Variants in FOXQ1 observed in about 807,000 individuals in gnomAD.
The protein encoded by FOXQ1 is forkhead box protein Q1.
Under a neutral mutation model 0.6 loss-of-function variants are expected in FOXQ1, and 1 was observed. The observed-to-expected ratio is 1.73, with a 90% CI of 0.61 to 8.20. The LOEUF (loss-of-function observed/expected upper bound fraction) is 8.20, where lower values mean the gene tolerates loss of function less well. Among genes scored for constraint, FOXQ1 ranks in the 30% most tolerant of loss-of-function variants. The pLI, the probability that FOXQ1 is intolerant of heterozygous loss-of-function variation, is 0.13. For synonymous variants in FOXQ1, 377 were observed against 294.4 expected (o/e 1.28, Z -2.87); for missense variants, 734 against 595.6 (o/e 1.23, Z -2.42).
In FOXQ1 at chr6:1,312,703, G is replaced by A; in HGVS notation, c.-2G>A. The A allele has an allele frequency of 1.5e-6, 2 of 1,352,576 alleles. No individual in the cohort carries two copies. The highest frequency in any genetic ancestry group is 1.9e-6 in the Non-Finnish European group (2 of 1,054,956). The allele number at this position is 1,352,576 out of a possible 1,614,324, so 83.8% of individuals were successfully genotyped here. ...CGCCGGGGAGGGACTGGGTGCGCGG[G>A]CATGAAGTTGGAGGTGTTCGTCCCT... On this transcript the variant is annotated 5_prime_UTR_variant, in exon 1 of 1. Transcript: ENST00000296839.
chr6:1,312,431 C>G lies in FOXQ1; in HGVS notation c.-274C>G, dbSNP rs1030012917. 2.7e-6 allele frequency: 1 copy of G among 369,182 alleles called. No individual in the cohort carries two copies. 22.9% of individuals were successfully genotyped at this position (369,182 alleles called of 1,614,324 possible). ...GAACCGCGGCCCCTGCACACACTCA[C>G]CCCAAAGTCTCAACGTCGAACCGAA... On this transcript the variant is annotated 5_prime_UTR_variant, in exon 1 of 1. Coordinates refer to ENST00000296839, the MANE Select transcript of FOXQ1 (RefSeq NM_033260.4).
rs1757559913 is a variant in FOXQ1 at position 1,312,342 on chromosome 6, C to G, written c.-363C>G. The stretch of plus-strand genomic sequence containing the variant: ...TGGGCTCTTTAACGAGCAGCAGATG[C>G]GCATGCTGCTTCTCTCCGGCAGGAA... On this transcript the variant is annotated 5_prime_UTR_variant, in exon 1 of 1. Coordinates refer to ENST00000296839, the MANE Select transcript of FOXQ1 (RefSeq NM_033260.4). 5.0e-6 allele frequency: 1 copy of G among 198,554 alleles called. No homozygotes were observed. Among genetic ancestry groups the G allele is most frequent in the African/African-American group, 2.3e-5 (1 of 43,362 alleles). The allele number at this position is 198,554 out of a possible 1,614,324, so 12.3% of individuals were successfully genotyped here.
rs536512789 is a variant in FOXQ1, at chr6:1,314,618, G to A, written c.*702G>A. Reference sequence around the variant, plus strand: ...GTTGATTATGTATGTGGGGTGCCAGGACCACTGCCTTGAAAGCAAGTGTGA... The same window carrying A: ...GTTGATTATGTATGTGGGGTGCCAGAACCACTGCCTTGAAAGCAAGTGTGA... On this transcript the variant is annotated 3_prime_UTR_variant, in exon 1 of 1. Transcript: ENST00000296839. The A allele has an allele frequency of 2.9e-3, 489 of 166,974 alleles. 1 individual carries two copies. The highest frequency in any genetic ancestry group is 5.1e-3 in the Non-Finnish European group (348 of 68,114). The allele number at this position is 166,974 out of a possible 1,614,324, so 10.3% of individuals were successfully genotyped here.
At position 1,314,385 on chromosome 6, in the gene FOXQ1, G is replaced by A. The variant is rs1045368336; in HGVS notation, c.*469G>A. ...CATTTCCAGGTATGACTGAGTGTGAGAGACATGTCAGAGGCTCTTCAGTGA... is the reference window on the plus strand; with the variant it reads ...CATTTCCAGGTATGACTGAGTGTGAAAGACATGTCAGAGGCTCTTCAGTGA... On this transcript the variant is annotated 3_prime_UTR_variant, in exon 1 of 1. Transcript: ENST00000296839. The A allele has an allele frequency of 1.2e-5, 2 of 166,924 alleles. No homozygotes were observed. Among genetic ancestry groups the A allele is most frequent in the East Asian group, 1.9e-4 (1 of 5,206 alleles). 10.3% of individuals were successfully genotyped at this position (166,924 alleles called of 1,614,324 possible). A position where few individuals can be genotyped will look rare whatever the true frequency, so the allele number is the denominator to read the frequency against.
Position 1,313,271 on chromosome 6 carries a change from C to T in FOXQ1, c.567C>T (p.Gly189=), listed in dbSNP as rs368356668. 2.5e-6 allele frequency: 4 copies of T among 1,610,126 alleles called. No homozygotes were observed. Among genetic ancestry groups the T allele is most frequent in the Non-Finnish European group, 2.5e-6 (3 of 1,178,838 alleles). ...TGCGCGACCCCTCGCGGCCCTGGGGCAAGGACAACTACTGGATGCTCAACC... is the reference window on the plus strand; with the variant it reads ...TGCGCGACCCCTCGCGGCCCTGGGGTAAGGACAACTACTGGATGCTCAACC... ...KVLRDPSRPW[G]KDNYWMLNPN... Residue 189 remains glycine (G), a synonymous_variant, in exon 1 of 1, where the codon GGC becomes GGT. Coordinates refer to ENST00000296839, the MANE Select transcript of FOXQ1 (RefSeq NM_033260.4). This position sits in a 1 kb window ranked among gnomAD's most constrained non-coding sequence, Gnocchi z 5.2.
rs137862484 is a variant in FOXQ1 at position 1,313,091 on chromosome 6, C to T, written c.387C>T (p.Ala129=). Residue 129 remains alanine, a synonymous_variant, in exon 1 of 1, where the codon GCC becomes GCT. Coordinates refer to ENST00000296839, the MANE Select transcript of FOXQ1 (RefSeq NM_033260.4). This position sits in a 1 kb window ranked among gnomAD's most constrained non-coding sequence, Gnocchi z 5.2. ...KPPYSYIALI[A]MAIRDSAGGR... ...CCTACTCGTACATCGCGCTCATCGCCATGGCCATCCGCGACTCGGCGGGCG... is the reference window on the plus strand; with the variant it reads ...CCTACTCGTACATCGCGCTCATCGCTATGGCCATCCGCGACTCGGCGGGCG... The T allele has an allele frequency of 3.2e-4, 515 of 1,606,534 alleles. 1 individual carries two copies. The African/African-American group carries it at 6.3e-3, about 20-fold the overall frequency.
In FOXQ1 at chr6:1,313,155, GGC is replaced by G; in HGVS notation, c.452_453del (p.Gly151GlufsTer297). ...GGCGGAGATCAACGAGTACCTCATG[GGC>G]AAGTTCCCCTTTTTCCGCGGCAGCT... ...TLAEINEYLM[G>X]KFPFFRGSYT... On this transcript the variant is annotated frameshift_variant, in exon 1 of 1. Transcript: ENST00000296839. LOFTEE classifies it low-confidence loss of function (END_TRUNC). This position sits in a 1 kb window ranked among gnomAD's most constrained non-coding sequence, Gnocchi z 5.2. 6.2e-7 allele frequency: 1 copy of G among 1,610,554 alleles called. No homozygotes were observed. Among genetic ancestry groups the G allele is most frequent in the Non-Finnish European group, 8.5e-7 (1 of 1,178,958 alleles).
rs1757573204 is a variant in FOXQ1, at chr6:1,312,937, T to A, written c.233T>A (p.Ile78Asn). 1 of 1,276,320 alleles carries A rather than the reference T, an allele frequency of 7.8e-7. No individual in the cohort carries two copies. Among genetic ancestry groups the A allele is most frequent in the Non-Finnish European group, 9.9e-7 (1 of 1,014,530 alleles). 79.1% of individuals were successfully genotyped at this position (1,276,320 alleles called of 1,614,324 possible). Reference protein sequence around the residue: ...AGGGPGAEEAIPAAAAAAVVA... With the variant: ...AGGGPGAEEANPAAAAAAVVA... ...GGCGGGCCGGGCGCGGAGGAGGCGA[T>A]CCCGGCAGCAGCTGCTGCAGCGGTG... The change falls in exon 1 of 1, where the codon ATC becomes AAC. Residue 78 changes from isoleucine (I) to asparagine (N), a missense_variant. Physicochemically the swap from Ile to Asn is moderately radical, Grantham distance 149. Coordinates refer to ENST00000296839, the MANE Select transcript of FOXQ1 (RefSeq NM_033260.4).
Position 1,313,277 on chromosome 6 carries a change from C to G in FOXQ1, c.573C>G (p.Asp191Glu), listed in dbSNP as rs112141050. ...LRDPSRPWGK[D>E]NYWMLNPNSE... ...ACCCCTCGCGGCCCTGGGGCAAGGA[C>G]AACTACTGGATGCTCAACCCCAACA... Residue 191 changes from aspartate (D) to glutamate (E), a missense_variant, in exon 1 of 1, where the codon GAC (aspartate) becomes GAG (glutamate). By Grantham distance (45) the Asp-to-Glu change is conservative (BLOSUM62 2). Transcript: ENST00000296839. This position sits in a 1 kb window ranked among gnomAD's most constrained non-coding sequence, Gnocchi z 5.2. 2 of 1,610,032 alleles carry G rather than the reference C, an allele frequency of 1.2e-6. No individual in the cohort carries two copies. Among genetic ancestry groups the G allele is most frequent in the South Asian group, 1.1e-5 (1 of 90,988 alleles).
chr6:1,313,544 C>A lies in FOXQ1; in HGVS notation c.840C>A (p.Pro280=). The A allele has an allele frequency of 7.9e-7, 1 of 1,269,120 alleles. No homozygotes were observed. The highest frequency in any genetic ancestry group is 4.6e-5 in the East Asian group (1 of 21,756). 78.6% of individuals were successfully genotyped at this position (1,269,120 alleles called of 1,614,324 possible). A position where few individuals can be genotyped will look rare whatever the true frequency, so the allele number is the denominator to read the frequency against. The change falls in exon 1 of 1, where the codon CCC becomes CCA. Residue 280 remains proline (P), a synonymous_variant. Transcript: ENST00000296839. This position sits in a 1 kb window ranked among gnomAD's most constrained non-coding sequence, Gnocchi z 5.2. The part of the protein sequence containing the change: ...SFAIDSILRK[P]FRSRRLRDTA... ...CCATCGACAGCATCCTGCGCAAGCC[C>A]TTCCGCAGCCGCCGCCTCAGGGACA... is the stretch of plus-strand genomic sequence containing the variant.
In FOXQ1 at chr6:1,313,799, G is replaced by A; in HGVS notation, c.1095G>A (p.Pro365=). ...AAAPAKPLRG[P]AAGGAHLYCP... ...CCCCCGCCAAGCCACTCCGAGGCCC[G>A]GCGGCCGGCGGCGCGCACCTGTACT... Residue 365 remains proline, a synonymous_variant, in exon 1 of 1, where the codon CCG becomes CCA. Transcript: ENST00000296839. The surrounding 1 kb of genome is among the most constrained non-coding windows in gnomAD (Gnocchi z 5.2). The A allele has an allele frequency of 1.6e-6, 2 of 1,273,514 alleles. No homozygotes were observed. The highest frequency in any genetic ancestry group is 2.0e-6 in the Non-Finnish European group (2 of 1,012,406). The allele number at this position is 1,273,514 out of a possible 1,614,324, so 78.9% of individuals were successfully genotyped here. A position where few individuals can be genotyped will look rare whatever the true frequency, so the allele number is the denominator to read the frequency against.
Position 1,312,723 on chromosome 6 carries a change from G to T in FOXQ1, c.19G>T (p.Val7Phe). ...CGCGGGCATGAAGTTGGAGGTGTTCGTCCCTCGCGCGGCCCACGGGGACAA... is the reference window on the plus strand; with the variant it reads ...CGCGGGCATGAAGTTGGAGGTGTTCTTCCCTCGCGCGGCCCACGGGGACAA... MKLEVF[V>F]PRAAHGDKQG... The change falls in exon 1 of 1, where the codon GTC becomes TTC. Residue 7 changes from valine to phenylalanine, a missense_variant. Coordinates refer to ENST00000296839, the MANE Select transcript of FOXQ1 (RefSeq NM_033260.4). The T allele has an allele frequency of 1.5e-6, 2 of 1,357,108 alleles. No individual in the cohort carries two copies. The highest frequency in any genetic ancestry group is 1.9e-6 in the Non-Finnish European group (2 of 1,057,874). The allele number at this position is 1,357,108 out of a possible 1,614,324, so 84.1% of individuals were successfully genotyped here.
At position 1,312,994 on chromosome 6, in the gene FOXQ1, G is replaced by T. The variant is rs558903450; in HGVS notation, c.290G>T (p.Gly97Val). ...GAGGGCGCGGAGGCCGGGGCGGCGGGGCCAGGCGCGGGCGGCGCGGGGAGC... is the reference window on the plus strand; with the variant it reads ...GAGGGCGCGGAGGCCGGGGCGGCGGTGCCAGGCGCGGGCGGCGCGGGGAGC... ...VAEGAEAGAA[G>V]PGAGGAGSGE... Residue 97 changes from glycine (G) to valine (V), a missense_variant, in exon 1 of 1, where the codon GGG (glycine) becomes GTG (valine). Physicochemically the swap from Gly to Val is moderately radical, Grantham distance 109. Coordinates refer to ENST00000296839, the MANE Select transcript of FOXQ1 (RefSeq NM_033260.4). 1 of 1,337,534 alleles carries T rather than the reference G, an allele frequency of 7.5e-7. No individual in the cohort carries two copies. Among genetic ancestry groups the T allele is most frequent in the Non-Finnish European group, 9.6e-7 (1 of 1,046,856 alleles). 82.9% of individuals were successfully genotyped at this position (1,337,534 alleles called of 1,614,324 possible).
Position 1,312,472 on chromosome 6 carries a change from A to T in FOXQ1, c.-233A>T. On this transcript the variant is annotated 5_prime_UTR_variant, in exon 1 of 1. Coordinates refer to ENST00000296839, the MANE Select transcript of FOXQ1 (RefSeq NM_033260.4). ...TCGAACCGAAGGCGACACCCACCCAACTCCTCCCTCTCCGCCCCATAGTCC... is the reference window on the plus strand; with the variant it reads ...TCGAACCGAAGGCGACACCCACCCATCTCCTCCCTCTCCGCCCCATAGTCC... 2 of 547,928 alleles carry T rather than the reference A, an allele frequency of 3.7e-6. No homozygotes were observed. The highest frequency in any genetic ancestry group is 5.4e-6 in the Non-Finnish European group (2 of 369,048). The allele number at this position is 547,928 out of a possible 1,614,324, so 33.9% of individuals were successfully genotyped here. A position where few individuals can be genotyped will look rare whatever the true frequency, so the allele number is the denominator to read the frequency against.
At position 1,313,109 on chromosome 6, in the gene FOXQ1, G is replaced by C; in HGVS notation, c.405G>C (p.Ser135=). The C allele has an allele frequency of 3.7e-6, 6 of 1,605,990 alleles. No individual in the cohort carries two copies. Among genetic ancestry groups the C allele is most frequent in the Non-Finnish European group, 5.1e-6 (6 of 1,176,458 alleles). Residue 135 remains serine, a synonymous_variant, in exon 1 of 1, where the codon TCG becomes TCC. Transcript: ENST00000296839. This position sits in a 1 kb window ranked among gnomAD's most constrained non-coding sequence, Gnocchi z 5.2. ...IALIAMAIRD[S]AGGRLTLAEI... ...TCATCGCCATGGCCATCCGCGACTC[G>C]GCGGGCGGGCGCTTGACGCTGGCGG...
Position 1,312,685 on chromosome 6 carries a change from GA to G in FOXQ1, c.-19del, listed in dbSNP as rs1757565943. The G allele has an allele frequency of 3.8e-6, 5 of 1,315,196 alleles. No individual in the cohort carries two copies. The highest frequency in any genetic ancestry group is 4.8e-6 in the Non-Finnish European group (5 of 1,035,386). 81.5% of individuals were successfully genotyped at this position (1,315,196 alleles called of 1,614,324 possible). On this transcript the variant is annotated 5_prime_UTR_variant, in exon 1 of 1. Coordinates refer to ENST00000296839, the MANE Select transcript of FOXQ1 (RefSeq NM_033260.4). Reference sequence around the variant, plus strand: ...CGAAGGAAGAGGGTACGACGCCGGGGAGGGACTGGGTGCGCGGGCATGAAGT... The same window carrying G: ...CGAAGGAAGAGGGTACGACGCCGGGGGGGACTGGGTGCGCGGGCATGAAGT...
chr6:1,314,091 A>G lies in FOXQ1; in HGVS notation c.*175A>G, dbSNP rs560573135. 127 of 949,824 alleles carry G rather than the reference A, an allele frequency of 1.3e-4. No homozygotes were observed. In the East Asian group the frequency reaches 3.2e-3, roughly 24 times the overall value. The allele number at this position is 949,824 out of a possible 1,614,324, so 58.8% of individuals were successfully genotyped here. On this transcript the variant is annotated 3_prime_UTR_variant, in exon 1 of 1. Transcript: ENST00000296839. Reference sequence around the variant, plus strand: ...GGAGTATTTAAACTTAGTCCAGGATATTTTCCTTTGTGTTTTATAACTTTA... The same window carrying G: ...GGAGTATTTAAACTTAGTCCAGGATGTTTTCCTTTGTGTTTTATAACTTTA...
rs1201307584 is a variant in FOXQ1, at chr6:1,313,780, C to G, written c.1076C>G (p.Ala359Gly). The change falls in exon 1 of 1, where the codon GCC (alanine) becomes GGC (glycine). Residue 359 changes from alanine (A) to glycine (G), a missense_variant. Transcript: ENST00000296839. The surrounding 1 kb of genome is among the most constrained non-coding windows in gnomAD (Gnocchi z 5.2). ...LLAPLPAAAP[A>G]KPLRGPAAGG... ...GCACCTCTCCCGGCGGCGGCCCCCG[C>G]CAAGCCACTCCGAGGCCCGGCGGCC... 3.2e-6 allele frequency: 4 copies of G among 1,256,182 alleles called. No homozygotes were observed. The highest frequency in any genetic ancestry group is 4.0e-6 in the Non-Finnish European group (4 of 1,002,606). The allele number at this position is 1,256,182 out of a possible 1,614,324, so 77.8% of individuals were successfully genotyped here.
chr6:1,312,908 G>C lies in FOXQ1; in HGVS notation c.204G>C (p.Ala68=). The C allele has an allele frequency of 2.3e-6, 3 of 1,281,220 alleles. No individual in the cohort carries two copies. Among genetic ancestry groups the C allele is most frequent in the Non-Finnish European group, 2.9e-6 (3 of 1,018,356 alleles). 79.4% of individuals were successfully genotyped at this position (1,281,220 alleles called of 1,614,324 possible). ...RDTQGDGEQS[A]GGGPGAEEAI... is the part of the protein sequence containing the mutation. ...CGCAGGGCGACGGCGAACAGAGTGC[G>C]GGAGGCGGGCCGGGCGCGGAGGAGG... The change falls in exon 1 of 1, where the codon GCG becomes GCC. Residue 68 remains alanine, a synonymous_variant. Transcript: ENST00000296839.
Sources: allele counts gnomAD v4.1 joint callset, GRCh38; gene constraint gnomAD v4.1.1; non-coding constraint Gnocchi (gnomAD v3.1); transcripts MANE v1.5; gene names NCBI Gene and HGNC (gene_info 2026-07-23, HGNC 2026-07-21).